ARHGAP42: variants seen among roughly 807,000 people sequenced by gnomAD.
The protein encoded by ARHGAP42 is Rho GTPase activating protein 42, also known as rho GTPase-activating protein 42.
ARHGAP42 carries 63 observed loss-of-function variants against 125.0 expected under a neutral mutation model. That is an observed-to-expected ratio of 0.50 (90% CI 0.41 to 0.62). The LOEUF (loss-of-function observed/expected upper bound fraction) is 0.62, where lower values mean the gene tolerates loss of function less well. Among genes scored for constraint, ARHGAP42 ranks in the 20% least tolerant of loss-of-function variants. ARHGAP42 has a pLI of 0.00. For synonymous variants in ARHGAP42, 339 were observed against 351.0 expected, an observed-to-expected ratio of 0.97 and a Z score of 0.38; for missense variants, 766 against 1,024.2, an observed-to-expected ratio of 0.75 and a Z score of 3.44.
chr11:100,736,018 A>C (rs1381517248), intron 1 of ARHGAP42, among the ~76,000 whole-genome samples: 1 of 152,232 alleles, frequency 6.6e-6, no homozygotes, highest in African/African-American at 2.4e-5. Context: ...AGAGAGTAAA[A>C]GGAAGCAATA....
chr11:100,796,348 C>T (rs140428647), intron 3 of ARHGAP42, among the ~76,000 whole-genome samples: 3 of 152,284 alleles, frequency 2.0e-5, no homozygotes, highest in East Asian at 1.9e-4. Flanking sequence ...GCCATTCACC[C>T]ATCTCTCTTC....
chr11:100,797,131 CTAG>C (rs910237771), intron 3 of ARHGAP42, among the ~76,000 whole-genome samples: 6 of 152,156 alleles, frequency 3.9e-5, no homozygotes, highest in African/African-American at 1.2e-4. Flanking sequence ...GAGTTTGGAG[CTAG>C]TAGTGGTTGG....
At chr11:100,897,430 C>A (rs1211138762) in intron 4 of ARHGAP42, among the ~76,000 whole-genome samples, 1 of 152,094 alleles carries the variant, frequency 6.6e-6, no homozygotes, top group Non-Finnish European at 1.5e-5. Context: ...TTACCTTGGG[C>A]AGTATGGCCA....
At chr11:100,962,524 CTTAG>C in intron 16 of ARHGAP42, 57 bp downstream of exon 16, 1 of 1,393,856 alleles carries the variant, frequency 7.2e-7, no homozygotes, top group Non-Finnish European at 9.9e-7. Context: ...TGCTGCCATA[CTTAG>C]GCATATATTA....
chr11:100,959,607 G>A (rs995268893), intron 12 of ARHGAP42, among the ~76,000 whole-genome samples: 2 of 152,080 alleles, frequency 1.3e-5, no homozygotes, highest in African/African-American at 4.8e-5. Flanking sequence ...AAAACACGTA[G>A]TAAAGGAGTA....
chr11:100,697,472 G>T (rs552403027), intron 1 of ARHGAP42, among the ~76,000 whole-genome samples: 67 of 152,240 alleles, frequency 4.4e-4, no homozygotes, highest in African/African-American at 1.5e-3. Flanking sequence ...GTGAGCCACC[G>T]CGCCCGGCCA....
At chr11:100,864,487 C>T (rs1865521601) in intron 4 of ARHGAP42, among the ~76,000 whole-genome samples, 1 of 152,046 alleles carries the variant, frequency 6.6e-6, no homozygotes, top group Non-Finnish European at 1.5e-5. Context: ...TGGCCTATGT[C>T]TGAGTTTCTA....
intron 4 of ARHGAP42, among the ~76,000 whole-genome samples, chr11:100,863,833 G>A (rs1865505924): frequency 2.6e-5 from 4 of 152,112 alleles, no homozygotes; most frequent in Admixed American, 2.6e-4. Context: ...ACACACTGCT[G>A]GTTTAAATTC....
chr11:100,935,877 C>A (rs540379241), intron 7 of ARHGAP42, among the ~76,000 whole-genome samples: 1 of 152,284 alleles, frequency 6.6e-6, no homozygotes, highest in South Asian at 2.1e-4. Context: ...GTGGCTCACA[C>A]CTGTAATCCC....
chr11:100,955,309 A>G (rs1048370110), intron 12 of ARHGAP42, among the ~76,000 whole-genome samples: 1 of 152,086 alleles, frequency 6.6e-6, no homozygotes, highest in Admixed American at 6.6e-5. Flanking sequence ...TTCTGCTTCT[A>G]CCCTCACCCA....
chr11:100,972,113 T>A (rs1000543082), intron 17 of ARHGAP42, among the ~76,000 whole-genome samples: 5 of 152,204 alleles, frequency 3.3e-5, no homozygotes, highest in Non-Finnish European at 5.9e-5. Context: ...TTTCTCTTCC[T>A]GTTTTGTGAC....
chr11:100,868,152 G>A (rs1008362900), intron 4 of ARHGAP42, among the ~76,000 whole-genome samples: 7 of 152,106 alleles, frequency 4.6e-5, no homozygotes, highest in Non-Finnish European at 2.9e-5. Flanking sequence ...GACATAAAGT[G>A]AGCATTGTTT....
chr11:100,922,243 G>T lies in ARHGAP42; in HGVS notation c.597+639G>T, dbSNP rs1261055604. On this transcript the variant is annotated intron_variant, in intron 6 of 23. Coordinates refer to ENST00000298815, the MANE Select transcript of ARHGAP42 (RefSeq NM_152432.4). ...GTTCTGTGCTCCCCTTCCTCACAGG[G>T]CTCGGATCTGCTTGACTTTCCTATG... Among the ~76,000 whole-genome samples the T allele has an allele frequency of 2.6e-5, 4 of 152,094 alleles. No homozygotes were observed. The East Asian group carries it at 7.7e-4, about 29-fold the overall frequency.
intron 1 of ARHGAP42, among the ~76,000 whole-genome samples, chr11:100,716,524 T>C (rs1215033531): frequency 6.6e-6 from 1 of 152,324 alleles, no homozygotes; most frequent in Non-Finnish European, 1.5e-5. Context: ...TTCTGAAGCA[T>C]CAGTTCTTTC....
intron 3 of ARHGAP42, among the ~76,000 whole-genome samples, chr11:100,799,134 A>G (rs893556211): frequency 6.6e-6 from 1 of 152,252 alleles, no homozygotes; most frequent in African/African-American, 2.4e-5. Flanking sequence ...GAGAATTCCC[A>G]GAAGTTTTTG....
chr11:100,876,672 G>C (rs11224499), intron 4 of ARHGAP42, among the ~76,000 whole-genome samples: 2 of 152,292 alleles, frequency 1.3e-5, no homozygotes, highest in East Asian at 3.9e-4. Flanking sequence ...GGGTATGTTT[G>C]TGTAGACTCA....
intron 12 of ARHGAP42, among the ~76,000 whole-genome samples, chr11:100,950,257 A>G (rs985164526): frequency 1.4e-5 from 2 of 143,412 alleles, no homozygotes; most frequent in Non-Finnish European, 3.1e-5. Context: ...TATATAATAT[A>G]TAATTATATT....
At chr11:100,985,183 G>A (rs1393177190) in intron 22 of ARHGAP42, among the ~76,000 whole-genome samples, 1 of 151,946 alleles carries the variant, frequency 6.6e-6, no homozygotes, top group Non-Finnish European at 1.5e-5. Context: ...CAAGATTTGG[G>A]GTACATTTTA....
intron 9 of ARHGAP42, among the ~76,000 whole-genome samples, chr11:100,943,069 A>C (rs1010816739): frequency 6.6e-6 from 1 of 151,992 alleles, no homozygotes; most frequent in Admixed American, 6.6e-5. Context: ...CCTATGTTGG[A>C]TCTTGTCCAG....
Sources: allele counts gnomAD v4.1 joint callset (sites outside exome capture counted in the v4.1 genomes callset), GRCh38; gene constraint gnomAD v4.1.1; transcripts MANE v1.5; gene names NCBI Gene and HGNC (gene_info 2026-07-23, HGNC 2026-07-21).